CAGE1: variants seen among roughly 807,000 people sequenced by gnomAD.
CAGE1 encodes cancer-associated gene 1 protein.
A neutral mutation model predicts 94.9 loss-of-function variants in CAGE1; 66 were observed. The observed-to-expected ratio is 0.70, with a 90% CI of 0.57 to 0.85. The LOEUF is 0.85. Ranked by LOEUF, CAGE1 falls within the 40% of genes least tolerant of loss-of-function variation. CAGE1 has a pLI of 0.00. For synonymous variants in CAGE1, 319 were observed against 321.0 expected (o/e 0.99, Z 0.07); for missense variants, 865 against 950.4 (o/e 0.91, Z 1.18).
intron 11 of CAGE1, among the ~76,000 whole-genome samples, chr6:7,336,876 T>A (rs967498846): frequency 5.3e-5 from 8 of 152,206 alleles, no homozygotes; most frequent in Admixed American, 1.3e-4. Flanking sequence ...TCTACTAAAA[T>A]CTTCGCCCAT....
chr6:7,346,502 C>G (rs1665863175), intron 11 of CAGE1, among the ~76,000 whole-genome samples: 1 of 152,026 alleles, frequency 6.6e-6, no homozygotes, highest in African/African-American at 2.4e-5. Flanking sequence ...TGAGCCAAGA[C>G]TGCGCCACTG....
intron 11 of CAGE1, among the ~76,000 whole-genome samples, chr6:7,338,065 AT>A (rs147322052): frequency 0.018 from 2,810 of 152,176 alleles, 94 homozygotes; most frequent in African/African-American, 0.064. Flanking sequence ...TATGTAGTTT[AT>A]ATTTTTGGTG....
At chr6:7,345,041 C>G (rs919553961) in intron 11 of CAGE1, among the ~76,000 whole-genome samples, 2 of 152,188 alleles carry the variant, frequency 1.3e-5, no homozygotes, top group African/African-American at 2.4e-5. Flanking sequence ...GTGCCCAAGC[C>G]AGCAGCGGCA....
Position 7,373,367 on chromosome 6 carries a change from G to A in CAGE1, c.1452C>T (p.Phe484=), listed in dbSNP as rs1372176524. The A allele has an allele frequency of 1.2e-6, 2 of 1,613,488 alleles. No individual in the cohort carries two copies. Among genetic ancestry groups the A allele is most frequent in the African/African-American group, 2.7e-5 (2 of 74,890 alleles). ...TCTGGAATTCCTCCTGTAAAGACAA[G>A]AACTCTTGTTCTTGGGCCTCTTTTT... is the stretch of plus-strand genomic sequence containing the variant. ...KREKEAQEQE[F]LSLQEEFQKL... Residue 484 remains phenylalanine, a synonymous_variant, in exon 5 of 14, where the codon TTC becomes TTT. Transcript: ENST00000502583.
intron 3 of CAGE1, 88 bp downstream of exon 3, chr6:7,385,697 C>T: frequency 1.5e-6 from 1 of 679,302 alleles, no homozygotes; most frequent in Non-Finnish European, 2.4e-6. Context: ...ATATAAAGTG[C>T]TTAGCACAAA....
Position 7,370,127 on chromosome 6 carries a change from T to C in CAGE1, c.1747-62A>G. 5.3e-6 allele frequency: 7 copies of C among 1,329,620 alleles called. No individual in the cohort carries two copies. In the South Asian group the frequency reaches 6.3e-5, roughly 12 times the overall value. 82.4% of individuals were successfully genotyped at this position (1,329,620 alleles called of 1,614,324 possible). A position where few individuals can be genotyped will look rare whatever the true frequency, so the allele number is the denominator to read the frequency against. ...TGAAGAACCTGAAATATCTTTTAAG[T>C]AAAATGCTGAATAAAATGGCACTCT... On this transcript the variant is annotated intron_variant, in intron 5 of 13. Coordinates refer to ENST00000502583, the MANE Select transcript of CAGE1 (RefSeq NM_001170692.2).
At position 7,378,706 on chromosome 6, in the gene CAGE1, T is replaced by TC; in HGVS notation, c.597dup (p.Met200AspfsTer11). 1 of 1,613,446 alleles carries TC rather than the reference T, an allele frequency of 6.2e-7. No homozygotes were observed. Among genetic ancestry groups the TC allele is most frequent in the Non-Finnish European group, 8.5e-7 (1 of 1,179,712 alleles). ...AGTGACTTTTCTGTAAATTTCAGCA[T>TC]CTCTCCACTGCAGTGGATTAGAGGC... is the stretch of plus-strand genomic sequence containing the variant. On this transcript the variant is annotated frameshift_variant, in exon 4 of 14. Transcript: ENST00000502583. LOFTEE classifies it high-confidence loss of function.
intron 9 of CAGE1, among the ~76,000 whole-genome samples, chr6:7,358,763 T>G (rs1388123315): frequency 6.6e-6 from 1 of 152,164 alleles, no homozygotes; most frequent in Non-Finnish European, 1.5e-5. Context: ...GAGGCCACAG[T>G]GAGCCAAGAT....
chr6:7,341,545 C>A, intron 11 of CAGE1: 1 of 1,230,074 alleles, frequency 8.1e-7, no homozygotes, highest in East Asian at 2.4e-5. Context: ...TAGCACAAGG[C>A]CTCGGACCTT....
At chr6:7,330,688 A>G (rs1336124054) in intron 12 of CAGE1, among the ~76,000 whole-genome samples, 1 of 152,192 alleles carries the variant, frequency 6.6e-6, no homozygotes, top group Non-Finnish European at 1.5e-5. Flanking sequence ...CAATTGGGCC[A>G]GTCATCACAG....
intron 3 of CAGE1, among the ~76,000 whole-genome samples, chr6:7,382,710 G>C (rs1239534335): frequency 2.0e-5 from 3 of 151,630 alleles, no homozygotes; most frequent in Non-Finnish European, 2.9e-5. Context: ...AGGGGTTCAA[G>C]ACCAGCCTGG....
chr6:7,329,667 G>A (rs994558410), intron 13 of CAGE1, among the ~76,000 whole-genome samples, 182 bp downstream of exon 13: 1 of 152,092 alleles, frequency 6.6e-6, no homozygotes, highest in Non-Finnish European at 1.5e-5. Context: ...ATTAGAGGGA[G>A]GGGTTTCCAA....
At chr6:7,345,777 T>C (rs1581668861) in intron 11 of CAGE1, among the ~76,000 whole-genome samples, 1 of 152,032 alleles carries the variant, frequency 6.6e-6, no homozygotes, top group East Asian at 1.9e-4. Context: ...CAAAAAAAAT[T>C]AGCTGGGCGT....
rs559492458 is a variant in CAGE1, at chr6:7,337,290, G to C, written c.2370-3200C>G. 2.8e-5 allele frequency among the ~76,000 whole-genome samples: 4 copies of C among 141,386 alleles called. No individual in the cohort carries two copies. The East Asian group carries it at 8.2e-4, about 29-fold the overall frequency. The allele number at this position is 141,386 out of a possible 152,430, so 92.8% of individuals were successfully genotyped here. On this transcript the variant is annotated intron_variant, in intron 11 of 13. Coordinates refer to ENST00000502583, the MANE Select transcript of CAGE1 (RefSeq NM_001170692.2). ...TGCAGTGAGCCAAGATTGCACCACTGCCCTCCAGCCTGGGTGACAGAGTGA... is the reference window on the plus strand; with the variant it reads ...TGCAGTGAGCCAAGATTGCACCACTCCCCTCCAGCCTGGGTGACAGAGTGA...
intron 1 of CAGE1, 68 bp from the exon 2 acceptor site, chr6:7,387,264 T>A: frequency 1.2e-6 from 1 of 814,194 alleles, no homozygotes. Context: ...CTCTTCTCAT[T>A]AAGAAAGTAG....
intron 11 of CAGE1, among the ~76,000 whole-genome samples, chr6:7,338,205 G>A (rs181047277): frequency 6.6e-6 from 1 of 152,142 alleles, no homozygotes; most frequent in African/African-American, 2.4e-5. Context: ...AGATGATCAC[G>A]TGTCTGTGAA....
intron 4 of CAGE1, among the ~76,000 whole-genome samples, chr6:7,375,078 C>T (rs895775561): frequency 2.0e-5 from 3 of 150,822 alleles, no homozygotes; most frequent in Admixed American, 6.6e-5. Flanking sequence ...TAAAAAAAGA[C>T]AGTAATTTGT....
intron 11 of CAGE1, among the ~76,000 whole-genome samples, chr6:7,352,689 A>T (rs1403048468): frequency 1.3e-5 from 2 of 152,248 alleles, no homozygotes; most frequent in South Asian, 4.1e-4. Context: ...TCTGGTATAA[A>T]AATAGGCACA....
chr6:7,364,513 G>T (rs1760260572), intron 9 of CAGE1, among the ~76,000 whole-genome samples: 1 of 152,136 alleles, frequency 6.6e-6, no homozygotes, highest in Non-Finnish European at 1.5e-5. Context: ...CTGTCACTCA[G>T]GCTGGAGTGT....
Sources: allele counts gnomAD v4.1 joint callset (sites outside exome capture counted in the v4.1 genomes callset), GRCh38; gene constraint gnomAD v4.1.1; transcripts MANE v1.5; gene names NCBI Gene and HGNC (gene_info 2026-07-23, HGNC 2026-07-21).